EML5: variants seen among roughly 807,000 people sequenced by gnomAD.
The protein encoded by EML5 is EMAP like 5, also known as echinoderm microtubule-associated protein-like 5.
Under a neutral mutation model 250.0 loss-of-function variants are expected in EML5, and 120 were observed. That is an observed-to-expected ratio of 0.48 (90% confidence interval 0.41 to 0.56). EML5 has a LOEUF of 0.56. EML5 is among the 20% of genes least tolerant of loss of function. The pLI is 0.00. For missense variants in EML5, 2,006 were observed against 2,437.6 expected (o/e 0.82, Z 3.73); for synonymous variants, 771 against 806.5 (o/e 0.96, Z 0.75).
intron 27 of EML5, among the ~76,000 whole-genome samples, chr14:88,651,912 A>C (rs1254040522): frequency 6.6e-6 from 1 of 152,200 alleles, no homozygotes; most frequent in African/African-American, 2.4e-5. Flanking sequence ...TATTTCATTT[A>C]AAACTTGAAA....
chr14:88,729,319 G>A (rs1485632596), intron 7 of EML5, among the ~76,000 whole-genome samples: 1 of 152,060 alleles, frequency 6.6e-6, no homozygotes, highest in Non-Finnish European at 1.5e-5. Context: ...CATTAAATAT[G>A]ATATTTGCTG....
At chr14:88,772,384 C>A (rs542169994) in intron 1 of EML5, among the ~76,000 whole-genome samples, 1 of 152,242 alleles carries the variant, frequency 6.6e-6, no homozygotes, top group Non-Finnish European at 1.5e-5. Flanking sequence ...TCATCATTTA[C>A]CTCGGTAAAA....
At chr14:88,731,426 C>A (rs1208123633) in intron 7 of EML5, among the ~76,000 whole-genome samples, 3 of 152,112 alleles carry the variant, frequency 2.0e-5, no homozygotes, top group African/African-American at 7.2e-5. Flanking sequence ...GCATAGTATT[C>A]CATGGTGTAT....
At chr14:88,626,432 C>G (rs1344777008) in intron 35 of EML5, 5 of 181,652 alleles carry the variant, frequency 2.8e-5, no homozygotes, top group Non-Finnish European at 5.9e-5. Flanking sequence ...ACCACCTAGG[C>G]AACATAGCGA....
At chr14:88,654,097 A>G (rs150028102) in intron 27 of EML5, among the ~76,000 whole-genome samples, 27,875 of 152,104 alleles carry the variant, frequency 0.18, 3,074 homozygotes, top group East Asian at 0.47. Context: ...CTCTGATGGT[A>G]GTTTGTATTT....
intron 24 of EML5, among the ~76,000 whole-genome samples, chr14:88,662,031 T>C: frequency 6.6e-6 from 1 of 152,168 alleles, no homozygotes; most frequent in East Asian, 1.9e-4. Context: ...TTTAACATAG[T>C]ATTATTCAGA....
chr14:88,745,285 T>TG (rs996102485), intron 3 of EML5, among the ~76,000 whole-genome samples: 2 of 151,968 alleles, frequency 1.3e-5, no homozygotes, highest in African/African-American at 4.8e-5. Flanking sequence ...ACTTTTAGAA[T>TG]GATAAATTCC....
intron 1 of EML5, among the ~76,000 whole-genome samples, chr14:88,760,553 C>T (rs903268758): frequency 9.9e-5 from 15 of 152,138 alleles, no homozygotes; most frequent in Non-Finnish European, 1.9e-4. Context: ...ACCACACTGC[C>T]TTCATGAGTA....
chr14:88,658,569 G>A (rs950300151), intron 25 of EML5, among the ~76,000 whole-genome samples, 181 bp from the exon 26 acceptor site: 2 of 152,100 alleles, frequency 1.3e-5, no homozygotes, highest in East Asian at 1.9e-4. Flanking sequence ...AACCTGTTAA[G>A]GACAAGATCT....
chr14:88,750,102 C>A (rs1020289048), intron 2 of EML5, among the ~76,000 whole-genome samples: 1 of 152,152 alleles, frequency 6.6e-6, no homozygotes, highest in African/African-American at 2.4e-5. Flanking sequence ...AAATGGCCCA[C>A]AAAGTTTAAA....
At chr14:88,694,083 T>C (rs1423833285) in intron 17 of EML5, among the ~76,000 whole-genome samples, 2 of 151,908 alleles carry the variant, frequency 1.3e-5, no homozygotes, top group Non-Finnish European at 2.9e-5. Context: ...AATGTTGACA[T>C]CTTATATTAC....
At chr14:88,728,945 T>G (rs1299120849) in intron 7 of EML5, among the ~76,000 whole-genome samples, 1 of 152,174 alleles carries the variant, frequency 6.6e-6, no homozygotes, top group Non-Finnish European at 1.5e-5. Flanking sequence ...ATTTTCTAAA[T>G]GCTTTTATAG....
chr14:88,628,426 GTTA>G (rs1213878625), intron 33 of EML5, among the ~76,000 whole-genome samples: 1 of 151,852 alleles, frequency 6.6e-6, no homozygotes, highest in Non-Finnish European at 1.5e-5. Flanking sequence ...AAAAAATGTG[GTTA>G]TTATTAATCT....
chr14:88,718,173 T>C (rs1356709587), intron 8 of EML5, among the ~76,000 whole-genome samples: 1 of 152,044 alleles, frequency 6.6e-6, no homozygotes, highest in African/African-American at 2.4e-5. Context: ...ATATCATGAG[T>C]TCAGTTTTGG....
At chr14:88,696,634 A>G (rs7146508) in intron 15 of EML5, among the ~76,000 whole-genome samples, 97,278 of 152,052 alleles carry the variant, frequency 0.64, 33,136 homozygotes, top group East Asian at 0.94. Context: ...AATTTTAATA[A>G]GTATTAAAAC....
At chr14:88,657,148 T>C (rs2091902780) in intron 27 of EML5, among the ~76,000 whole-genome samples, 1 of 152,050 alleles carries the variant, frequency 6.6e-6, no homozygotes. Flanking sequence ...CACACACCAC[T>C]AAACCTGGAT....
At chr14:88,770,074 G>A (rs532361654) in intron 1 of EML5, among the ~76,000 whole-genome samples, 4 of 152,090 alleles carry the variant, frequency 2.6e-5, no homozygotes, top group East Asian at 3.9e-4. Context: ...GCAGAGGAGA[G>A]GAAAGAGCGC....
intron 2 of EML5, among the ~76,000 whole-genome samples, chr14:88,746,674 A>T (rs1217898628): frequency 6.6e-6 from 1 of 152,024 alleles, no homozygotes; most frequent in Non-Finnish European, 1.5e-5. Flanking sequence ...CACCTACTGG[A>T]CTCTAAAGGC....
chr14:88,698,285 A>C (rs1427286459), intron 14 of EML5, among the ~76,000 whole-genome samples: 1 of 46,280 alleles, frequency 2.2e-5, no homozygotes, highest in African/African-American at 1.7e-4. Flanking sequence ...TTTTTTTTTG[A>C]GACAAGGTTT....
Sources: gnomAD v4.1 joint callset for allele counts (sites outside exome capture counted in the v4.1 genomes callset) on GRCh38, gnomAD v4.1.1 for gene constraint, MANE v1.5 for transcripts, NCBI Gene and HGNC (gene_info 2026-07-23, HGNC 2026-07-21) for gene names.